The following EYS variants were observed in gnomAD, a reference collection of about 807,000 sequenced individuals.
EYS encodes the protein EGF-like photoreceptor maintenance factor, also known as protein eyes shut homolog.
EYS carries 250 observed loss-of-function variants against 282.1 expected under a neutral mutation model. That is an observed-to-expected ratio of 0.89 (90% CI 0.80 to 0.98). The LOEUF (loss-of-function observed/expected upper bound fraction) is 0.98. EYS is among the 50% of genes least tolerant of loss of function. The pLI, the probability that EYS is intolerant of heterozygous loss-of-function variation, is 0.00. For synonymous variants in EYS, 1,355 were observed against 1,282.9 expected (o/e 1.06, Z -1.20); for missense variants, 4,016 against 3,709.0 (o/e 1.08, Z -2.15).
At chr6:64,094,055 A>G (rs1467327220) in intron 31 of EYS, among the ~76,000 whole-genome samples, 1 of 152,170 alleles carries the variant, frequency 6.6e-6, no homozygotes, top group Non-Finnish European at 1.5e-5. Context: ...GCTGGATTAC[A>G]TTTATTGATT....
chr6:65,234,147 G>A (rs1766861417), intron 12 of EYS, among the ~76,000 whole-genome samples: 1 of 152,070 alleles, frequency 6.6e-6, no homozygotes, highest in Non-Finnish European at 1.5e-5. Context: ...TTTGTACCAA[G>A]TAAACCCAGT....
At chr6:63,728,768 A>G (rs1269208211) in intron 41 of EYS, among the ~76,000 whole-genome samples, 1 of 152,038 alleles carries the variant, frequency 6.6e-6, no homozygotes, top group Non-Finnish European at 1.5e-5. Context: ...TACTGACTTC[A>G]TGGTTTTGCC....
chr6:65,274,784 C>T (rs1303081936), intron 12 of EYS, among the ~76,000 whole-genome samples: 1 of 151,874 alleles, frequency 6.6e-6, no homozygotes, highest in East Asian at 1.9e-4. Flanking sequence ...GGTATAAATC[C>T]AACAGAAAAT....
intron 40 of EYS, among the ~76,000 whole-genome samples, chr6:63,772,494 G>A (rs1016374087): frequency 3.3e-5 from 5 of 151,856 alleles, no homozygotes; most frequent in African/African-American, 1.2e-4. Context: ...TTTATATATA[G>A]TTTTAAAATA....
chr6:64,891,052 G>A (rs1767274790), intron 18 of EYS, among the ~76,000 whole-genome samples: 1 of 151,854 alleles, frequency 6.6e-6, no homozygotes, highest in Non-Finnish European at 1.5e-5. Context: ...ACAGATGCCT[G>A]TTCAACTGGA....
chr6:64,543,792 AC>A (rs1764761251), intron 26 of EYS, among the ~76,000 whole-genome samples: 1 of 152,176 alleles, frequency 6.6e-6, no homozygotes, highest in African/African-American at 2.4e-5. Flanking sequence ...GAGAATAATA[AC>A]AGGCATATCA....
chr6:64,566,662 T>C (rs1249329850), intron 26 of EYS, among the ~76,000 whole-genome samples: 1 of 152,140 alleles, frequency 6.6e-6, no homozygotes, highest in Non-Finnish European at 1.5e-5. Flanking sequence ...AGGCTTGAAG[T>C]TGGTGAGAAG....
chr6:64,294,216 T>C (rs1768821572), intron 30 of EYS, among the ~76,000 whole-genome samples: 1 of 152,178 alleles, frequency 6.6e-6, no homozygotes. Flanking sequence ...AAAACCAAAA[T>C]ACCAAACTGG....
At chr6:64,133,993 A>G (rs1433110822) in intron 31 of EYS, among the ~76,000 whole-genome samples, 1 of 152,080 alleles carries the variant, frequency 6.6e-6, no homozygotes, top group Non-Finnish European at 1.5e-5. Flanking sequence ...GCAAAGATCT[A>G]GGAAGAGTGA....
At chr6:64,413,578 T>A (rs201558002) in intron 28 of EYS, among the ~76,000 whole-genome samples, 2 of 144,420 alleles carry the variant, frequency 1.4e-5, no homozygotes, top group African/African-American at 5.2e-5. Flanking sequence ...AAAAAAAACC[T>A]CCCCTCCCAA....
At chr6:64,538,680 T>C (rs1298450446) in intron 26 of EYS, among the ~76,000 whole-genome samples, 2 of 152,180 alleles carry the variant, frequency 1.3e-5, no homozygotes, top group South Asian at 2.1e-4. Flanking sequence ...AGTGCACTTA[T>C]TGTGTCCAAG....
At chr6:64,330,728 C>G (rs147582257) in intron 29 of EYS, among the ~76,000 whole-genome samples, 1 of 152,198 alleles carries the variant, frequency 6.6e-6, no homozygotes, top group African/African-American at 2.4e-5. Context: ...GCGTGCCCCA[C>G]ATGGTCATCA....
chr6:64,681,983 T>G (rs1452243609), intron 22 of EYS, among the ~76,000 whole-genome samples: 2 of 152,084 alleles, frequency 1.3e-5, no homozygotes, highest in African/African-American at 4.8e-5. Context: ...ACGCCGTGCC[T>G]CAAGGAACGT....
intron 12 of EYS, among the ~76,000 whole-genome samples, chr6:65,179,419 A>G (rs1365539312): frequency 6.6e-6 from 1 of 152,180 alleles, no homozygotes; most frequent in Admixed American, 6.5e-5. Context: ...CCATCAGAGA[A>G]TACTATAAAC....
intron 29 of EYS, among the ~76,000 whole-genome samples, chr6:64,378,707 C>G (rs1226487132): frequency 6.6e-6 from 1 of 152,082 alleles, no homozygotes; most frequent in African/African-American, 2.4e-5. Context: ...ATGGCTTGTC[C>G]AAGGCACCAT....
intron 34 of EYS, among the ~76,000 whole-genome samples, chr6:63,989,309 G>A (rs534996381): frequency 1.9e-3 from 288 of 151,692 alleles, no homozygotes; most frequent in African/African-American, 6.3e-3. Context: ...AATAAAGGTG[G>A]ATAAGAAATG....
intron 2 of EYS, among the ~76,000 whole-genome samples, chr6:65,637,170 C>T (rs970816983): frequency 3.9e-5 from 6 of 152,072 alleles, no homozygotes; most frequent in Admixed American, 6.5e-5. Flanking sequence ...AATTTAAAAA[C>T]GATAAAGGCA....
At chr6:65,496,034 T>G (rs1766247826) in intron 2 of EYS, 41 bp from the exon 3 acceptor site, 1 of 152,324 alleles carries the variant, frequency 6.6e-6, no homozygotes, top group Non-Finnish European at 1.5e-5. Flanking sequence ...AAACATATTT[T>G]TCATGTAATA....
At chr6:64,780,378 G>A (rs1773821254) in intron 22 of EYS, among the ~76,000 whole-genome samples, 1 of 152,094 alleles carries the variant, frequency 6.6e-6, no homozygotes, top group Admixed American at 6.6e-5. Flanking sequence ...AAAGAATTAT[G>A]GATGGAGCCA....
Sources: allele counts gnomAD v4.1 joint callset (sites outside exome capture counted in the v4.1 genomes callset), GRCh38; gene constraint gnomAD v4.1.1; transcripts MANE v1.5; gene names NCBI Gene and HGNC (gene_info 2026-07-23, HGNC 2026-07-21).